The following LRRC4C variants were observed in gnomAD, a reference collection of about 807,000 sequenced individuals.
LRRC4C encodes the protein leucine-rich repeat-containing protein 4C.
Under a neutral mutation model 33.6 loss-of-function variants are expected in LRRC4C, and 5 were observed. The ratio of observed to expected loss-of-function variants is 0.15; its 90% CI spans 0.08 to 0.31. The LOEUF (loss-of-function observed/expected upper bound fraction) is 0.31. Ranked by LOEUF, LRRC4C falls within the 10% of genes least tolerant of loss-of-function variation. The pLI is 1.00. For missense variants in LRRC4C, 560 were observed against 796.7 expected (o/e 0.70, Z 3.58); for synonymous variants, 329 against 302.0 (o/e 1.09, Z -0.93).
At chr11:40,836,245 C>T (rs528566431) in intron 2 of LRRC4C, among the ~76,000 whole-genome samples, 18 of 152,192 alleles carry the variant, frequency 1.2e-4, no homozygotes, top group African/African-American at 4.3e-4. Flanking sequence ...GAACCTATGC[C>T]ATCATACCTT....
chr11:40,233,349 A>G (rs1865338500), intron 5 of LRRC4C, among the ~76,000 whole-genome samples: 1 of 152,182 alleles, frequency 6.6e-6, no homozygotes, highest in South Asian at 2.1e-4. Flanking sequence ...ATCAATGCTT[A>G]CTTCTGCTAA....
intron 3 of LRRC4C, among the ~76,000 whole-genome samples, chr11:40,355,953 T>TGTATAGTAGAGTATA (rs1555029962): frequency 4.1e-5 from 5 of 121,488 alleles, no homozygotes; most frequent in Non-Finnish European, 9.1e-5. Flanking sequence ...AGTATAGTAT[T>TGTATAGTAGAGTATA]GTATAGTATA....
intron 1 of LRRC4C, among the ~76,000 whole-genome samples, chr11:41,074,430 G>T (rs1027877549): frequency 1.2e-4 from 19 of 152,162 alleles, no homozygotes; most frequent in African/African-American, 4.6e-4. Flanking sequence ...GAAAATAAAG[G>T]CTCCCAATTA....
intron 1 of LRRC4C, among the ~76,000 whole-genome samples, chr11:41,328,042 C>A (rs564641891): frequency 1.3e-5 from 2 of 152,274 alleles, no homozygotes; most frequent in Admixed American, 6.5e-5. Flanking sequence ...ATGTCCTGGC[C>A]TCTCACAGGT....
At position 40,148,625 on chromosome 11, in the gene LRRC4C, G is replaced by T. The variant is rs368237544; in HGVS notation, c.-95-7772C>A. Among the ~76,000 whole-genome samples, 36 of 152,228 alleles carry T rather than the reference G, an allele frequency of 2.4e-4. 2 individuals are homozygous for T. The highest frequency in any genetic ancestry group is 8.4e-4 in the African/African-American group (35 of 41,552). ...GTTTGTAAATATTTTCTTCCATTCT[G>T]GGGGTTGTCTGTTTATTCTGTTGGT... On this transcript the variant is annotated intron_variant, in intron 5 of 6. Transcript: ENST00000528697.
At chr11:40,650,541 G>A (rs190358912) in intron 2 of LRRC4C, among the ~76,000 whole-genome samples, 109 of 152,226 alleles carry the variant, frequency 7.2e-4, no homozygotes, top group African/African-American at 2.6e-3. Flanking sequence ...TATTTTTATA[G>A]ATGAGATGCT....
intron 3 of LRRC4C, among the ~76,000 whole-genome samples, chr11:40,503,447 G>C (rs941804340): frequency 6.6e-6 from 1 of 152,116 alleles, no homozygotes; most frequent in African/African-American, 2.4e-5. Flanking sequence ...TAAACATACT[G>C]TCTAACCAAT....
chr11:40,734,377 T>C (rs1947751207), intron 2 of LRRC4C, among the ~76,000 whole-genome samples: 1 of 152,174 alleles, frequency 6.6e-6, no homozygotes, highest in African/African-American at 2.4e-5. Context: ...CGGATATTTT[T>C]CCTTCTCTCT....
intron 1 of LRRC4C, among the ~76,000 whole-genome samples, chr11:41,172,671 A>G (rs932023356): frequency 3.3e-5 from 5 of 152,182 alleles, no homozygotes; most frequent in African/African-American, 1.2e-4. Flanking sequence ...TCCTCCAACC[A>G]GAAGCTAAAC....
intron 3 of LRRC4C, among the ~76,000 whole-genome samples, chr11:40,508,026 G>A (rs1955124816): frequency 6.6e-6 from 1 of 152,058 alleles, no homozygotes; most frequent in African/African-American, 2.4e-5. Flanking sequence ...CAAAGTTCTG[G>A]GATTACAGGT....
intron 3 of LRRC4C, among the ~76,000 whole-genome samples, chr11:40,347,162 A>C (rs1947174145): frequency 6.6e-6 from 1 of 152,240 alleles, no homozygotes; most frequent in Non-Finnish European, 1.5e-5. Context: ...AGCCACCTTC[A>C]TCAGTCATTT....
chr11:40,979,328 T>A (rs1405548004), intron 1 of LRRC4C, among the ~76,000 whole-genome samples: 1 of 152,228 alleles, frequency 6.6e-6, no homozygotes, highest in African/African-American at 2.4e-5. Flanking sequence ...CTGCTCTTAG[T>A]ACTCTTTCAA....
At chr11:41,132,934 T>C (rs1248341628) in intron 1 of LRRC4C, among the ~76,000 whole-genome samples, 1 of 152,148 alleles carries the variant, frequency 6.6e-6, no homozygotes, top group South Asian at 2.1e-4. Flanking sequence ...TGCTTGACTT[T>C]CAACTTCTAA....
chr11:40,169,647 A>G (rs1398860086), intron 5 of LRRC4C, among the ~76,000 whole-genome samples: 1 of 152,180 alleles, frequency 6.6e-6, no homozygotes, highest in Admixed American at 6.5e-5. Flanking sequence ...GACAAGGCAC[A>G]TGCCTGTCAG....
At chr11:40,606,378 A>G (rs1253947842) in intron 3 of LRRC4C, among the ~76,000 whole-genome samples, 1 of 152,202 alleles carries the variant, frequency 6.6e-6, no homozygotes, top group African/African-American at 2.4e-5. Flanking sequence ...CATCCACAAG[A>G]AAAGTTGAGA....
At chr11:40,352,646 G>T (rs1947465233) in intron 3 of LRRC4C, among the ~76,000 whole-genome samples, 1 of 112,408 alleles carries the variant, frequency 8.9e-6, no homozygotes, top group Non-Finnish European at 2.0e-5. Flanking sequence ...ATAATATTCT[G>T]TGTTTGTGAA....
intron 2 of LRRC4C, among the ~76,000 whole-genome samples, chr11:40,730,013 C>A (rs930047647): frequency 7.2e-5 from 11 of 151,834 alleles, no homozygotes. Flanking sequence ...GAACAAAAAA[C>A]CAAACACCGC....
chr11:40,824,872 T>A (rs1952091674), intron 2 of LRRC4C, among the ~76,000 whole-genome samples: 1 of 151,956 alleles, frequency 6.6e-6, no homozygotes, highest in African/African-American at 2.4e-5. Flanking sequence ...TTATGCCTTT[T>A]TACAATATAC....
rs558577870 is a variant in LRRC4C at position 40,129,562 on chromosome 11, C to A, written c.-43+11239G>T. Among the ~76,000 whole-genome samples, 50 of 152,296 alleles carry A rather than the reference C, an allele frequency of 3.3e-4. 1 individual carries two copies. The highest frequency in any genetic ancestry group is 1.2e-3 in the African/African-American group (48 of 41,552). ...TTCATGATTTGCTTCTTCCCACCTA[C>A]ATGTACTCCAGAACTAGGGAGGACT... On this transcript the variant is annotated intron_variant, in intron 6 of 6. Coordinates refer to ENST00000528697, the MANE Select transcript of LRRC4C (RefSeq NM_001258419.2).
Sources: allele counts gnomAD v4.1 joint callset (sites outside exome capture counted in the v4.1 genomes callset), GRCh38; gene constraint gnomAD v4.1.1; transcripts MANE v1.5; gene names NCBI Gene and HGNC (gene_info 2026-07-23, HGNC 2026-07-21).